Variants in ZMYM4 observed in about 807,000 individuals in gnomAD.
ZMYM4 encodes zinc finger MYM-type protein 4.
Under a neutral mutation model 183.2 loss-of-function variants are expected in ZMYM4, and 31 were observed. That is an observed-to-expected ratio of 0.17 (90% CI 0.13 to 0.23). ZMYM4 has a LOEUF of 0.23. Among genes scored for constraint, ZMYM4 ranks in the 10% least tolerant of loss-of-function variants. ZMYM4 has a pLI of 1.00. For synonymous variants in ZMYM4, 592 were observed against 631.2 expected, an observed-to-expected ratio of 0.94 and a Z score of 0.93; for missense variants, 1,273 against 1,840.3, an observed-to-expected ratio of 0.69 and a Z score of 5.64.
chr1:35,287,317 T>G (rs1407208493), intron 1 of ZMYM4, among the ~76,000 whole-genome samples: 1 of 151,934 alleles, frequency 6.6e-6, no homozygotes, highest in African/African-American at 2.4e-5. Context: ...TCCTCCTTCC[T>G]TGGCCTCCCA....
rs201323136 is a variant in ZMYM4 at position 35,419,584 on chromosome 1, C to T, written c.4554C>T (p.Asp1518=). 1.2e-6 allele frequency: 2 copies of T among 1,614,152 alleles called. No individual in the cohort carries two copies. The highest frequency in any genetic ancestry group is 1.7e-5 in the Admixed American group (1 of 60,022). ...TCCCGATAGACCCTGGAACCCTGGA[C>T]ACCATGTTAACACGTATTCTCATGG... The part of the protein sequence containing the change: ...STFPIDPGTL[D]TMLTRILMVR... The change falls in exon 30 of 30, where the codon GAC becomes GAT. Residue 1518 remains aspartate (D), a synonymous_variant. Coordinates refer to ENST00000314607, the MANE Select transcript of ZMYM4 (RefSeq NM_005095.3).
rs546852410 is a variant in ZMYM4 at position 35,399,493 on chromosome 1, C to A, written c.3445C>A (p.Pro1149Thr). The A allele has an allele frequency of 1.8e-5, 29 of 1,613,766 alleles. No homozygotes were observed. The Admixed American group carries it at 4.7e-4, about 26-fold the overall frequency. ...EADFPSDSFD[P>T]LNKGQGIQAR... is the part of the protein sequence containing the mutation. ...GCTGATTATTATAGACTCCTTTGAC[C>A]CACTTAATAAAGGACAGGGAATCCA... The change falls in exon 23 of 30, where the codon CCA (proline) becomes ACA (threonine). Residue 1149 changes from proline to threonine, a missense_variant. Coordinates refer to ENST00000314607, the MANE Select transcript of ZMYM4 (RefSeq NM_005095.3).
At chr1:35,363,105 A>T (rs1278075929) in intron 5 of ZMYM4, among the ~76,000 whole-genome samples, 1 of 152,166 alleles carries the variant, frequency 6.6e-6, no homozygotes, top group East Asian at 1.9e-4. Flanking sequence ...CAGGAGGTGG[A>T]GGTTGCAGTG....
chr1:35,308,025 G>C (rs528626077), intron 1 of ZMYM4, among the ~76,000 whole-genome samples: 2 of 148,962 alleles, frequency 1.3e-5, no homozygotes, highest in African/African-American at 5.0e-5. Context: ...ATGGAATCTC[G>C]ATATCACCCA....
intron 9 of ZMYM4, among the ~76,000 whole-genome samples, chr1:35,382,644 T>C (rs547654818): frequency 1.3e-5 from 2 of 152,146 alleles, no homozygotes; most frequent in African/African-American, 4.8e-5. Context: ...GGGATTTCAC[T>C]ATACTGGCCA....
intron 2 of ZMYM4, among the ~76,000 whole-genome samples, chr1:35,342,668 T>TTTG (rs368242666): frequency 0.014 from 2,126 of 151,780 alleles, 56 homozygotes; most frequent in African/African-American, 0.048. Flanking sequence ...AAGGATCCTT[T>TTTG]TTGTTGTTGT....
At chr1:35,281,833 C>T (rs1213580621) in intron 1 of ZMYM4, among the ~76,000 whole-genome samples, 1 of 152,148 alleles carries the variant, frequency 6.6e-6, no homozygotes, top group East Asian at 1.9e-4. Flanking sequence ...TTGCGCCAGC[C>T]TCTGGTAAAC....
intron 2 of ZMYM4, among the ~76,000 whole-genome samples, chr1:35,349,701 G>A (rs1418498279): frequency 6.6e-6 from 1 of 151,492 alleles, no homozygotes; most frequent in African/African-American, 2.4e-5. Context: ...GTGGTGGTGG[G>A]CACCTGTAAT....
chr1:35,355,459 C>G (rs1450008761), intron 2 of ZMYM4, among the ~76,000 whole-genome samples: 5 of 152,038 alleles, frequency 3.3e-5, no homozygotes, highest in Non-Finnish European at 7.4e-5. Flanking sequence ...TTTGCTCTCT[C>G]TGAAATATTT....
At chr1:35,407,448 GAAAA>G (rs976549118) in intron 25 of ZMYM4, among the ~76,000 whole-genome samples, 3 of 150,124 alleles carry the variant, frequency 2.0e-5, no homozygotes, top group African/African-American at 7.3e-5. Flanking sequence ...AAAAAAGAAA[GAAAA>G]GAAAAAGTTG....
chr1:35,420,354 G>C lies in ZMYM4; in HGVS notation c.*677G>C, dbSNP rs1640284557. On this transcript the variant is annotated 3_prime_UTR_variant, in exon 30 of 30. Coordinates refer to ENST00000314607, the MANE Select transcript of ZMYM4 (RefSeq NM_005095.3). ...ATCAAGCCTTCTCAGCGGTGGGTCT[G>C]GATGTGGGTAAACTAAGGTAAAGGG... 1 of 153,024 alleles carries C rather than the reference G, an allele frequency of 6.5e-6. No individual in the cohort carries two copies. The highest frequency in any genetic ancestry group is 6.5e-5 in the Admixed American group (1 of 15,386). 9.5% of individuals were successfully genotyped at this position (153,024 alleles called of 1,614,324 possible).
At chr1:35,337,885 G>A (rs1434929868) in intron 2 of ZMYM4, among the ~76,000 whole-genome samples, 1 of 152,178 alleles carries the variant, frequency 6.6e-6, no homozygotes, top group African/African-American at 2.4e-5. Context: ...GTTGCAGTGA[G>A]CCAGGATTGC....
At position 35,398,993 on chromosome 1, in the gene ZMYM4, A is replaced by G. The variant is rs970409982; in HGVS notation, c.3383A>G (p.Gln1128Arg). 3.7e-6 allele frequency: 6 copies of G among 1,614,040 alleles called. No individual in the cohort carries two copies. Among genetic ancestry groups the G allele is most frequent in the Non-Finnish European group, 5.1e-6 (6 of 1,180,004 alleles). Residue 1128 changes from glutamine to arginine, a missense_variant, in exon 22 of 30, where the codon CAG becomes CGG. By Grantham distance (43) the Gln-to-Arg change is conservative. Coordinates refer to ENST00000314607, the MANE Select transcript of ZMYM4 (RefSeq NM_005095.3). ...CAAGAGGCTGATTCAGAATTGAAGC[A>G]GTTCTCAAAAGGGGAAACTGAACAG... Reference protein sequence around the residue: ...AVQEADSELKQFSKGETEQDL... With the variant: ...AVQEADSELKRFSKGETEQDL...
chr1:35,285,754 G>A (rs1640451098), intron 1 of ZMYM4, among the ~76,000 whole-genome samples: 1 of 152,076 alleles, frequency 6.6e-6, no homozygotes, highest in Non-Finnish European at 1.5e-5. Flanking sequence ...GTATCTTTGG[G>A]GGGTCCAGGG....
At chr1:35,345,250 A>G (rs1643349135) in intron 2 of ZMYM4, among the ~76,000 whole-genome samples, 1 of 152,262 alleles carries the variant, frequency 6.6e-6, no homozygotes, top group African/African-American at 2.4e-5. Flanking sequence ...ACTGTATTGC[A>G]TATCACAAAG....
At chr1:35,393,568 T>C (rs1644749283) in intron 17 of ZMYM4, 27 bp from the exon 18 acceptor site, 1 of 1,555,408 alleles carries the variant, frequency 6.4e-7, no homozygotes, top group Non-Finnish European at 8.6e-7. Flanking sequence ...AAAAATGTTT[T>C]TGGTTTCTAA....
chr1:35,285,998 T>G lies in ZMYM4; in HGVS notation c.39+16913T>G, dbSNP rs543462446. ...AGATGAGGAACAAGATGAGGATGCC[T>G]TCTTTCACCATGTCTATTCAGTGTA... On this transcript the variant is annotated intron_variant, in intron 1 of 29. Coordinates refer to ENST00000314607, the MANE Select transcript of ZMYM4 (RefSeq NM_005095.3). 7.9e-5 allele frequency among the ~76,000 whole-genome samples: 12 copies of G among 152,316 alleles called. No homozygotes were observed. In the South Asian group the frequency reaches 2.3e-3, roughly 29 times the overall value.
Position 35,296,999 on chromosome 1 carries a change from G to A in ZMYM4, c.39+27914G>A, listed in dbSNP as rs148026814. Among the ~76,000 whole-genome samples the A allele has an allele frequency of 4.2e-3, 643 of 151,724 alleles. 3 individuals are homozygous for A. The highest frequency in any genetic ancestry group is 5.3e-3 in the East Asian group (27 of 5,134). On this transcript the variant is annotated intron_variant, in intron 1 of 29. Transcript: ENST00000314607. ...TGAGTAGCTAGGATTACAGGCGTGC[G>A]CCACCACACCCTGCTAACGTTTGCA...
At chr1:35,369,620 A>T (rs944716867) in intron 5 of ZMYM4, among the ~76,000 whole-genome samples, 1 of 152,066 alleles carries the variant, frequency 6.6e-6, no homozygotes, top group Non-Finnish European at 1.5e-5. Context: ...AAAGAAATAT[A>T]CCCAAAGAAT....
Sources: allele counts gnomAD v4.1 joint callset (sites outside exome capture counted in the v4.1 genomes callset), GRCh38; gene constraint gnomAD v4.1.1; transcripts MANE v1.5; gene names NCBI Gene and HGNC (gene_info 2026-07-23, HGNC 2026-07-21).